The following UBA6 variants were observed in gnomAD, a reference collection of about 807,000 sequenced individuals.
UBA6 encodes the protein ubiquitin like modifier activating enzyme 6, also known as ubiquitin-like modifier-activating enzyme 6.
A neutral mutation model predicts 148.3 loss-of-function variants in UBA6; 87 were observed. The ratio of observed to expected loss-of-function variants is 0.59; its 90% CI spans 0.49 to 0.70. The LOEUF is 0.70. Among genes scored for constraint, UBA6 ranks in the 30% least tolerant of loss-of-function variants. UBA6 has a pLI of 0.00. For missense variants in UBA6, 1,186 were observed against 1,241.2 expected (o/e 0.96, Z 0.67); for synonymous variants, 376 against 401.0 (o/e 0.94, Z 0.75).
At chr4:67,664,926 C>A (rs1335580289) in intron 10 of UBA6, among the ~76,000 whole-genome samples, 1 of 152,040 alleles carries the variant, frequency 6.6e-6, no homozygotes, top group Non-Finnish European at 1.5e-5. Flanking sequence ...CAGTTCCTTT[C>A]GGGTATACCC....
chr4:67,633,164 GCTT>G (rs1729040419), intron 23 of UBA6, among the ~76,000 whole-genome samples, 178 bp downstream of exon 23: 1 of 152,066 alleles, frequency 6.6e-6, no homozygotes, highest in Admixed American at 6.6e-5. Flanking sequence ...TCAGTTTCTT[GCTT>G]CTTCTATTCT....
rs1728795622 is a variant in UBA6, at chr4:67,623,324, G to C, written c.2841-102C>G. 1.1e-5 allele frequency: 8 copies of C among 744,036 alleles called. No homozygotes were observed. In the Admixed American group the frequency reaches 2.0e-4, roughly 18 times the overall value. The allele number at this position is 744,036 out of a possible 1,614,324, so 46.1% of individuals were successfully genotyped here. A position where few individuals can be genotyped will look rare whatever the true frequency, so the allele number is the denominator to read the frequency against. On this transcript the variant is annotated intron_variant, in intron 30 of 32. Coordinates refer to ENST00000322244, the MANE Select transcript of UBA6 (RefSeq NM_018227.6). ...CCACTTTCAGAAGTCCATTATTTGT[G>C]ATCAGGCTAGAAATTAATGTGGGGA...
At chr4:67,686,697 A>G (rs183146559) in intron 2 of UBA6, among the ~76,000 whole-genome samples, 149 of 152,050 alleles carry the variant, frequency 9.8e-4, no homozygotes, top group African/African-American at 3.5e-3. Flanking sequence ...CACACCTGTA[A>G]TCCCAGCAAT....
At chr4:67,631,960 A>AAAAATTAAAAAAT (rs1427939577) in intron 23 of UBA6, 52 bp from the exon 24 acceptor site, 1 of 1,494,138 alleles carries the variant, frequency 6.7e-7, no homozygotes, top group Non-Finnish European at 9.0e-7. Flanking sequence ...TTATCTGAGG[A>AAAAATTAAAAAAT]AAAATTAAAA....
chr4:67,673,735 T>C lies in UBA6; in HGVS notation c.508A>G (p.Ile170Val), dbSNP rs763834339. The C allele has an allele frequency of 6.2e-7, 1 of 1,612,236 alleles. No homozygotes were observed. The highest frequency in any genetic ancestry group is 1.1e-5 in the South Asian group (1 of 90,956). ...TEMKLPLQKK[I>V]NDFCRSQCPP... ...CACTGAGAACGGCAAAAGTCATTGATCTTCTTCTGCAATGGAAGTTTCATC... is the reference window on the plus strand; with the variant it reads ...CACTGAGAACGGCAAAAGTCATTGACCTTCTTCTGCAATGGAAGTTTCATC... The change falls in exon 7 of 33, where the codon ATC becomes GTC. Residue 170 changes from isoleucine (I) to valine (V), a missense_variant. Transcript: ENST00000322244.
intron 2 of UBA6, among the ~76,000 whole-genome samples, chr4:67,689,128 T>C (rs1730636436): frequency 6.6e-6 from 1 of 152,152 alleles, no homozygotes; most frequent in Non-Finnish European, 1.5e-5. Context: ...CTATGAGATA[T>C]TCAACACTTT....
Position 67,638,934 on chromosome 4 carries a change from A to G in UBA6, c.1736+9T>C. Reference sequence around the variant, plus strand: ...CAATTCTGTAGGAACATGAATTTCAAGAACATACCTGTCTACGTATCTCCT... The same window carrying G: ...CAATTCTGTAGGAACATGAATTTCAGGAACATACCTGTCTACGTATCTCCT... On this transcript the variant is annotated intron_variant, in intron 19 of 32. Coordinates refer to ENST00000322244, the MANE Select transcript of UBA6 (RefSeq NM_018227.6). The G allele has an allele frequency of 1.3e-6, 2 of 1,574,712 alleles. No homozygotes were observed. Among genetic ancestry groups the G allele is most frequent in the Non-Finnish European group, 1.7e-6 (2 of 1,156,298 alleles).
Position 67,631,944 on chromosome 4 carries a change from T to G in UBA6, c.2143-36A>C, listed in dbSNP as rs779025367. 3 of 1,574,414 alleles carry G rather than the reference T, an allele frequency of 1.9e-6. No homozygotes were observed. The South Asian group carries it at 3.5e-5, about 18-fold the overall frequency. On this transcript the variant is annotated intron_variant, in intron 23 of 32. Coordinates refer to ENST00000322244, the MANE Select transcript of UBA6 (RefSeq NM_018227.6). ...AAAATGAATTAAAGACACCCACTACTTAATATTATCTGAGGAAAAATTAAA... is the reference window on the plus strand; with the variant it reads ...AAAATGAATTAAAGACACCCACTACGTAATATTATCTGAGGAAAAATTAAA...
chr4:67,612,968 T>C lies in UBA6; in HGVS notation c.*6029A>G, dbSNP rs1041948388. 6.6e-6 allele frequency: 1 copy of C among 152,104 alleles called. No individual in the cohort carries two copies. Among genetic ancestry groups the C allele is most frequent in the Non-Finnish European group, 1.5e-5 (1 of 68,044 alleles). 9.4% of individuals were successfully genotyped at this position (152,104 alleles called of 1,614,324 possible). A position where few individuals can be genotyped will look rare whatever the true frequency, so the allele number is the denominator to read the frequency against. On this transcript the variant is annotated 3_prime_UTR_variant, in exon 33 of 33. Coordinates refer to ENST00000322244, the MANE Select transcript of UBA6 (RefSeq NM_018227.6). ...TAGATTGCAAAAGGCCACTGGGAAG[T>C]TGAGTAGATAGAGCTAAGGGGCTAA... is the stretch of plus-strand genomic sequence containing the variant.
chr4:67,690,587 A>G (rs903103962), intron 2 of UBA6, among the ~76,000 whole-genome samples: 5 of 152,256 alleles, frequency 3.3e-5, no homozygotes, highest in African/African-American at 1.2e-4. Flanking sequence ...CTATAACTCA[A>G]TACCAAAAAA....
chr4:67,699,368 A>C (rs971993267), intron 1 of UBA6, among the ~76,000 whole-genome samples: 15 of 152,226 alleles, frequency 9.9e-5, no homozygotes, highest in African/African-American at 3.6e-4. Context: ...AAGAATTTGT[A>C]AACAAAGGTA....
At chr4:67,662,039 AT>A (rs1293408504) in intron 13 of UBA6, 149 bp downstream of exon 13, 2 of 620,182 alleles carry the variant, frequency 3.2e-6, no homozygotes, top group Non-Finnish European at 5.5e-6. Context: ...TATTTTATAG[AT>A]TTATAAATTA....
At chr4:67,643,403 T>C (rs1729352360) in intron 17 of UBA6, among the ~76,000 whole-genome samples, 1 of 152,038 alleles carries the variant, frequency 6.6e-6, no homozygotes, top group Non-Finnish European at 1.5e-5. Flanking sequence ...ATTATCATCA[T>C]GATGCAGTTT....
chr4:67,640,863 A>G (rs893408708), intron 18 of UBA6, among the ~76,000 whole-genome samples: 1 of 152,216 alleles, frequency 6.6e-6, no homozygotes, highest in Non-Finnish European at 1.5e-5. Flanking sequence ...ACATATTTCT[A>G]TATACTTCCT....
chr4:67,677,303 AC>A (rs1730305354), intron 6 of UBA6, among the ~76,000 whole-genome samples: 1 of 152,128 alleles, frequency 6.6e-6, no homozygotes, highest in African/African-American at 2.4e-5. Flanking sequence ...CAGCCTAGAA[AC>A]CCCAACTGAC....
intron 11 of UBA6, chr4:67,663,681 A>T: frequency 1.9e-6 from 1 of 513,988 alleles, no homozygotes; most frequent in Non-Finnish European, 3.4e-6. Context: ...CTATTACTTT[A>T]TCATTTTTTT....
At position 67,665,311 on chromosome 4, in the gene UBA6, A is replaced by T. The variant is rs188527412; in HGVS notation, c.794-19T>A. 1,028 of 1,470,708 alleles carry T rather than the reference A, an allele frequency of 7.0e-4. 5 individuals carry two copies. In the African/African-American group the frequency reaches 0.013, roughly 18 times the overall value. The allele number at this position is 1,470,708 out of a possible 1,614,324, so 91.1% of individuals were successfully genotyped here. ...GATATCACTAGAAGACAAAAAATTT[A>T]AAAAATCATTACACAGGGATATAGA... On this transcript the variant is annotated intron_variant, in intron 9 of 32. Coordinates refer to ENST00000322244, the MANE Select transcript of UBA6 (RefSeq NM_018227.6).
chr4:67,691,474 G>A (rs1268074385), intron 2 of UBA6, among the ~76,000 whole-genome samples: 1 of 152,172 alleles, frequency 6.6e-6, no homozygotes, highest in African/African-American at 2.4e-5. Context: ...GATGTATCTG[G>A]TTAAAGCACA....
At chr4:67,641,936 T>C (rs1729317064) in intron 17 of UBA6, among the ~76,000 whole-genome samples, 1 of 152,126 alleles carries the variant, frequency 6.6e-6, no homozygotes, top group Non-Finnish European at 1.5e-5. Context: ...TTTGCCACTT[T>C]AGCATTTTTA....
Sources: allele counts gnomAD v4.1 joint callset (sites outside exome capture counted in the v4.1 genomes callset), GRCh38; gene constraint gnomAD v4.1.1; transcripts MANE v1.5; gene names NCBI Gene and HGNC (gene_info 2026-07-23, HGNC 2026-07-21).